SUGCT: variants seen among roughly 807,000 people sequenced by gnomAD.
The protein encoded by SUGCT is succinyl-CoA:glutarate CoA-transferase.
Under a neutral mutation model 55.0 loss-of-function variants are expected in SUGCT, and 41 were observed. That is an observed-to-expected ratio of 0.74 (90% confidence interval 0.58 to 0.97). SUGCT has a LOEUF of 0.97. Among genes scored for constraint, SUGCT ranks in the 50% least tolerant of loss-of-function variants. SUGCT has a pLI of 0.00. For missense variants in SUGCT, 568 were observed against 547.8 expected, an observed-to-expected ratio of 1.04 and a Z score of -0.37; for synonymous variants, 187 against 200.4, an observed-to-expected ratio of 0.93 and a Z score of 0.56.
At position 40,318,657 on chromosome 7, in the gene SUGCT, G is replaced by A. The variant is rs185125109; in HGVS notation, c.816+1802G>A. Among the ~76,000 whole-genome samples, 67 of 152,230 alleles carry A rather than the reference G, an allele frequency of 4.4e-4. 1 individual carries two copies. In the East Asian group the frequency reaches 7.9e-3, roughly 18 times the overall value. On this transcript the variant is annotated intron_variant, in intron 9 of 13. Transcript: ENST00000335693. ...TCACCATGTTGGCCAGACTGGCCTC[G>A]ACCTCCTGACCTCAAGTGATCCACC...
At chr7:40,959,542 C>A in the SUGCT span, among the ~76,000 whole-genome samples, 1 of 152,148 alleles carries the variant, frequency 6.6e-6, no homozygotes, top group South Asian at 2.1e-4. Flanking sequence ...TATCCCAAGT[C>A]GACTTCAGAC....
chr7:40,288,439 C>T (rs1793497006), intron 8 of SUGCT, among the ~76,000 whole-genome samples: 1 of 151,978 alleles, frequency 6.6e-6, no homozygotes, highest in Non-Finnish European at 1.5e-5. Context: ...GTTAACACAG[C>T]AAGTTAAGAT....
At chr7:40,641,498 A>T (rs1800267237) in intron 12 of SUGCT, among the ~76,000 whole-genome samples, 1 of 152,202 alleles carries the variant, frequency 6.6e-6, no homozygotes, top group East Asian at 1.9e-4. Flanking sequence ...GGGGTTGGAT[A>T]ATTGAATCCA....
the SUGCT span, among the ~76,000 whole-genome samples, chr7:40,904,693 G>A: frequency 6.6e-6 from 1 of 152,126 alleles, no homozygotes; most frequent in Non-Finnish European, 1.5e-5. Flanking sequence ...TACATGTTAA[G>A]TATATTTTGT....
chr7:40,998,157 A>G, the SUGCT span, among the ~76,000 whole-genome samples: 41 of 152,318 alleles, frequency 2.7e-4, no homozygotes, highest in African/African-American at 8.7e-4. Context: ...ACCTGAGGCC[A>G]GGAGGTTGAG....
At chr7:40,954,531 C>G in the SUGCT span, among the ~76,000 whole-genome samples, 2 of 152,214 alleles carry the variant, frequency 1.3e-5, no homozygotes, top group South Asian at 2.1e-4. Context: ...AATCACCCAT[C>G]TTCTGCGTCG....
At chr7:40,220,151 A>G (rs561229846) in intron 6 of SUGCT, among the ~76,000 whole-genome samples, 1 of 152,242 alleles carries the variant, frequency 6.6e-6, no homozygotes, top group East Asian at 1.9e-4. Flanking sequence ...TTCCCTTTAA[A>G]GTGTTTTTCC....
chr7:40,661,683 T>G (rs1394425985), intron 12 of SUGCT, among the ~76,000 whole-genome samples: 6 of 152,198 alleles, frequency 3.9e-5, no homozygotes. Context: ...GTCTTGTCAG[T>G]GCCAATAGTT....
At chr7:40,789,129 C>T (rs1382735997) in intron 13 of SUGCT, among the ~76,000 whole-genome samples, 3 of 152,004 alleles carry the variant, frequency 2.0e-5, no homozygotes, top group Non-Finnish European at 2.9e-5. Context: ...GAAAACTTAC[C>T]GTGAGATTTA....
At chr7:40,965,127 G>A in the SUGCT span, 2 of 152,298 alleles carry the variant, frequency 1.3e-5, no homozygotes, top group African/African-American at 2.4e-5. Context: ...AGTTCAGTGT[G>A]TATAACATCA....
intron 9 of SUGCT, among the ~76,000 whole-genome samples, chr7:40,428,522 CTGTGTGTGTGTGTGTGTG>C (rs56017526): frequency 1.3e-5 from 2 of 149,178 alleles, no homozygotes; most frequent in African/African-American, 2.5e-5. Flanking sequence ...TCTGTCTCTG[CTGTGTGTGTGTGTGTGTG>C]TGTGTGTGTG....
intron 12 of SUGCT, among the ~76,000 whole-genome samples, chr7:40,530,759 T>C (rs1794041775): frequency 6.6e-6 from 1 of 152,232 alleles, no homozygotes; most frequent in African/African-American, 2.4e-5. Flanking sequence ...AATTTTAGAT[T>C]CAGCTAATCT....
intron 12 of SUGCT, among the ~76,000 whole-genome samples, chr7:40,584,953 T>C (rs1797298897): frequency 6.6e-6 from 1 of 152,170 alleles, no homozygotes; most frequent in Admixed American, 6.5e-5. Context: ...GGCAAGTGCA[T>C]TGTAAATGAT....
chr7:40,614,650 A>G (rs2151778740), intron 12 of SUGCT, among the ~76,000 whole-genome samples: 1 of 152,366 alleles, frequency 6.6e-6, no homozygotes, highest in East Asian at 1.9e-4. Context: ...TGTTGAAATC[A>G]GAACTTAGGA....
chr7:40,974,981 A>T, the SUGCT span, among the ~76,000 whole-genome samples: 1 of 152,218 alleles, frequency 6.6e-6, no homozygotes, highest in Non-Finnish European at 1.5e-5. Context: ...ATAAATCTTA[A>T]TTACCAGAAT....
chr7:40,667,862 A>G (rs916929863), intron 12 of SUGCT, among the ~76,000 whole-genome samples: 1 of 151,976 alleles, frequency 6.6e-6, no homozygotes, highest in Non-Finnish European at 1.5e-5. Context: ...TAGTCTACTG[A>G]TCTTGTTTAT....
intron 9 of SUGCT, among the ~76,000 whole-genome samples, chr7:40,415,168 G>A (rs1786927826): frequency 6.7e-6 from 1 of 149,932 alleles, no homozygotes; most frequent in Non-Finnish European, 1.5e-5. Flanking sequence ...CTACTCAGAG[G>A]CTGAGGCAGG....
At chr7:40,445,177 A>T (rs1328717945) in intron 9 of SUGCT, among the ~76,000 whole-genome samples, 1 of 152,152 alleles carries the variant, frequency 6.6e-6, no homozygotes, top group Non-Finnish European at 1.5e-5. Flanking sequence ...TAGAGACACA[A>T]AAAACCCTTA....
chr7:40,553,209 A>G (rs1386917981), intron 12 of SUGCT, among the ~76,000 whole-genome samples: 1 of 152,230 alleles, frequency 6.6e-6, no homozygotes, highest in African/African-American at 2.4e-5. Context: ...CTTCAAAATG[A>G]AAACTGATGC....
Sources: gnomAD v4.1 joint callset for allele counts (sites outside exome capture counted in the v4.1 genomes callset) on GRCh38, gnomAD v4.1.1 for gene constraint, MANE v1.5 for transcripts, NCBI Gene and HGNC (gene_info 2026-07-23, HGNC 2026-07-21) for gene names.